CSTF3: variants seen among roughly 807,000 people sequenced by gnomAD.
CSTF3 encodes the protein cleavage stimulation factor subunit 3, also known as CF-1 77 kDa subunit.
A neutral mutation model predicts 105.8 loss-of-function variants in CSTF3; 29 were observed. The ratio of observed to expected loss-of-function variants is 0.27; its 90% CI spans 0.20 to 0.37. The LOEUF is 0.37. Among genes scored for constraint, CSTF3 ranks in the 10% least tolerant of loss-of-function variants. The pLI is 1.00. For synonymous variants in CSTF3, 252 were observed against 281.9 expected, an observed-to-expected ratio of 0.89 and a Z score of 1.06; for missense variants, 357 against 879.3, an observed-to-expected ratio of 0.41 and a Z score of 7.51.
Position 33,151,733 on chromosome 11 carries a change from T to C in CSTF3, c.27+9566A>G, listed in dbSNP as rs936920476. 1.6e-4 allele frequency among the ~76,000 whole-genome samples: 24 copies of C among 152,206 alleles called. 1 individual carries two copies. Among genetic ancestry groups the C allele is most frequent in the African/African-American group, 5.3e-4 (22 of 41,452 alleles). On this transcript the variant is annotated intron_variant, in intron 1 of 20. Coordinates refer to ENST00000323959, the MANE Select transcript of CSTF3 (RefSeq NM_001326.3). ...CTTGGATATATACCTAGAAATGGAA[T>C]GGCTAAGTAATGTGGTAACTCTTAT...
At chr11:33,145,381 G>C (rs1026241822) in intron 1 of CSTF3, among the ~76,000 whole-genome samples, 1 of 151,968 alleles carries the variant, frequency 6.6e-6, no homozygotes, top group Admixed American at 6.6e-5. Context: ...AGCCATGATC[G>C]CACCACTGCA....
chr11:33,119,735 G>T (rs1357192272), intron 3 of CSTF3, among the ~76,000 whole-genome samples: 1 of 151,676 alleles, frequency 6.6e-6, no homozygotes, highest in Admixed American at 6.6e-5. Context: ...TTCTGCAACT[G>T]TTTTTGATAC....
intron 13 of CSTF3, among the ~76,000 whole-genome samples, 163 bp downstream of exon 13, chr11:33,098,527 G>A (rs1215137026): frequency 1.3e-5 from 2 of 152,046 alleles, no homozygotes; most frequent in Non-Finnish European, 2.9e-5. Context: ...TGGTGGAGGT[G>A]TTTTCTATCT....
intron 3 of CSTF3, among the ~76,000 whole-genome samples, chr11:33,124,481 C>T (rs1855523825): frequency 6.6e-6 from 1 of 151,954 alleles, no homozygotes; most frequent in Non-Finnish European, 1.5e-5. Flanking sequence ...TGGCACTAAA[C>T]CAATCAAGTG....
At chr11:33,133,276 A>T (rs1855619436) in intron 3 of CSTF3, among the ~76,000 whole-genome samples, 1 of 152,198 alleles carries the variant, frequency 6.6e-6, no homozygotes, top group Non-Finnish European at 1.5e-5. Context: ...TTCAACCAAG[A>T]ATCAATAGGG....
At position 33,107,959 on chromosome 11, in the gene CSTF3, T is replaced by C. The variant is rs755151388; in HGVS notation, c.300A>G (p.Leu100=). 6.2e-7 allele frequency: 1 copy of C among 1,611,612 alleles called. No homozygotes were observed. The highest frequency in any genetic ancestry group is 1.1e-5 in the South Asian group (1 of 90,800). The change falls in exon 5 of 21, where the codon TTA becomes TTG. Residue 100 remains leucine (L), a synonymous_variant. Transcript: ENST00000323959. ...GGACATATGAAAGATAACACTTCCA[T>C]AAATCAATGTGCAAAACCTTCATAA... The part of the protein sequence containing the change: ...RCLMKVLHID[L]WKCYLSYVRE...
At chr11:33,093,328 C>T (rs1302192881) in intron 15 of CSTF3, among the ~76,000 whole-genome samples, 4 of 152,188 alleles carry the variant, frequency 2.6e-5, no homozygotes, top group Admixed American at 6.5e-5. Flanking sequence ...GCTCCAGACA[C>T]ACTTTTTACC....
At chr11:33,117,196 T>G (rs1388669933) in intron 3 of CSTF3, among the ~76,000 whole-genome samples, 1 of 151,840 alleles carries the variant, frequency 6.6e-6, no homozygotes, top group Admixed American at 6.6e-5. Flanking sequence ...AAGCAAAGAC[T>G]CATTTCTCCA....
chr11:33,124,173 T>C (rs2133788774), intron 3 of CSTF3, among the ~76,000 whole-genome samples: 1 of 152,194 alleles, frequency 6.6e-6, no homozygotes, highest in African/African-American at 2.4e-5. Flanking sequence ...CTAAACATAG[T>C]ATAATTTAAG....
chr11:33,095,869 A>C (rs1455264885), intron 15 of CSTF3, among the ~76,000 whole-genome samples: 3 of 151,868 alleles, frequency 2.0e-5, no homozygotes, highest in Non-Finnish European at 2.9e-5. Context: ...AAAAACCAAA[A>C]TGTTTCTTTT....
intron 3 of CSTF3, among the ~76,000 whole-genome samples, chr11:33,132,072 C>A (rs999067376): frequency 6.6e-6 from 1 of 151,950 alleles, no homozygotes; most frequent in East Asian, 1.9e-4. Context: ...AAAGAAAAAA[C>A]GTTACATTGT....
chr11:33,098,715 G>A lies in CSTF3; in HGVS notation c.1103C>T (p.Ala368Val), dbSNP rs1855249678. ...KVHSIYNRLL[A>V]IEDIDPTLVY... ...CAAGGTAGGGTCAATATCCTCAATTGCCAGAAGTCTGTTATATATACTGTG... is the reference window on the plus strand; with the variant it reads ...CAAGGTAGGGTCAATATCCTCAATTACCAGAAGTCTGTTATATATACTGTG... Residue 368 changes from alanine (A) to valine (V), a missense_variant, in exon 13 of 21, where the codon GCA becomes GTA. Transcript: ENST00000323959. 1.3e-6 allele frequency: 2 copies of A among 1,580,364 alleles called. No homozygotes were observed. Among genetic ancestry groups the A allele is most frequent in the South Asian group, 1.2e-5 (1 of 85,124 alleles).
chr11:33,111,066 TA>T (rs1855374653), intron 3 of CSTF3, among the ~76,000 whole-genome samples: 1 of 151,898 alleles, frequency 6.6e-6, no homozygotes, highest in African/African-American at 2.4e-5. Context: ...CCGTGTCTAC[TA>T]AAAATACAAA....
rs186870984 is a variant in CSTF3, at chr11:33,088,014, C to A, written c.1642-873G>T. On this transcript the variant is annotated intron_variant, in intron 17 of 20. Coordinates refer to ENST00000323959, the MANE Select transcript of CSTF3 (RefSeq NM_001326.3). ...TAGAAACAAAAGAACCCCTTTTTGC[C>A]GCCATCAAGGGATATAAAAGCATTC... 1.1e-4 allele frequency among the ~76,000 whole-genome samples: 17 copies of A among 152,160 alleles called. No individual in the cohort carries two copies. The South Asian group carries it at 3.5e-3, about 32-fold the overall frequency.
chr11:33,142,025 T>G, intron 1 of CSTF3, 39 bp from the exon 2 acceptor site: 1 of 1,612,644 alleles, frequency 6.2e-7, no homozygotes, highest in Non-Finnish European at 8.5e-7. Context: ...AGTTACTGTT[T>G]TAAAAATCTC....
chr11:33,105,842 A>C, intron 7 of CSTF3, 41 bp downstream of exon 7: 1 of 1,535,816 alleles, frequency 6.5e-7, no homozygotes, highest in African/African-American at 1.4e-5. Flanking sequence ...ATTTTAGCTA[A>C]ATCAACTGTA....
At chr11:33,157,406 A>G (rs1461594303) in intron 1 of CSTF3, among the ~76,000 whole-genome samples, 5 of 152,146 alleles carry the variant, frequency 3.3e-5, no homozygotes, top group African/African-American at 1.2e-4. Flanking sequence ...TAAATAATAC[A>G]GCCATAATTC....
intron 8 of CSTF3, among the ~76,000 whole-genome samples, chr11:33,103,429 T>A (rs1447544515): frequency 6.6e-6 from 1 of 152,166 alleles, no homozygotes; most frequent in Non-Finnish European, 1.5e-5. Context: ...TATCAGGAAC[T>A]TTTAAAGATA....
intron 3 of CSTF3, among the ~76,000 whole-genome samples, chr11:33,126,946 A>G (rs1354332108): frequency 2.0e-5 from 3 of 152,232 alleles, no homozygotes; most frequent in Non-Finnish European, 4.4e-5. Context: ...AGAAGTGGCA[A>G]TTTTAAACAG....
Sources: gnomAD v4.1 joint callset for allele counts (sites outside exome capture counted in the v4.1 genomes callset) on GRCh38, gnomAD v4.1.1 for gene constraint, MANE v1.5 for transcripts, NCBI Gene and HGNC (gene_info 2026-07-23, HGNC 2026-07-21) for gene names.